Variants in CSMD1 observed in about 807,000 individuals in gnomAD.
CSMD1 encodes CUB and Sushi multiple domains 1.
A neutral mutation model predicts 417.5 loss-of-function variants in CSMD1; 213 were observed. That is an observed-to-expected ratio of 0.51 (90% CI 0.46 to 0.57). The LOEUF (loss-of-function observed/expected upper bound fraction) is 0.57. Among genes scored for constraint, CSMD1 ranks in the 20% least tolerant of loss-of-function variants. The pLI, the probability that CSMD1 is intolerant of heterozygous loss-of-function variation, is 0.00. For synonymous variants in CSMD1, 2,862 were observed against 1,736.8 expected, an observed-to-expected ratio of 1.65 and a Z score of -16.11; for missense variants, 6,923 against 4,529.7, an observed-to-expected ratio of 1.53 and a Z score of -15.17.
At chr8:4,194,606 G>C (rs1584999418) in intron 3 of CSMD1, among the ~76,000 whole-genome samples, 1 of 152,140 alleles carries the variant, frequency 6.6e-6, no homozygotes, top group East Asian at 1.9e-4. Context: ...ACATTAATTT[G>C]CTAACAGAGT....
chr8:4,282,946 C>T (rs933895630), intron 3 of CSMD1, among the ~76,000 whole-genome samples: 1 of 152,086 alleles, frequency 6.6e-6, no homozygotes, highest in Admixed American at 6.6e-5. Context: ...AAATCTGACC[C>T]TACACTTTTC....
chr8:4,208,642 G>A (rs1233687276), intron 3 of CSMD1, among the ~76,000 whole-genome samples: 2 of 152,122 alleles, frequency 1.3e-5, no homozygotes, highest in Non-Finnish European at 2.9e-5. Context: ...GCCGTGATAT[G>A]CAGTAGAATG....
chr8:4,331,635 C>G (rs1437504822), intron 3 of CSMD1, among the ~76,000 whole-genome samples: 2 of 152,104 alleles, frequency 1.3e-5, no homozygotes, highest in African/African-American at 2.4e-5. Flanking sequence ...ATGAAAGCCT[C>G]AGTCATAATC....
chr8:3,802,464 A>G (rs1300043920), intron 5 of CSMD1, among the ~76,000 whole-genome samples: 1 of 152,202 alleles, frequency 6.6e-6, no homozygotes, highest in Non-Finnish European at 1.5e-5. Flanking sequence ...TCAGCCTGAT[A>G]CATAAGTATC....
In CSMD1 at chr8:2,966,687, T is replaced by A. The variant is rs1427367759; in HGVS notation, c.8983A>T (p.Ile2995Phe). Reference protein sequence around the residue: ...TNGMIVSSDGILFSSSVIYAC... With the variant: ...TNGMIVSSDGFLFSSSVIYAC... ...TAGATGACCGAGCTGGAGAACAGAA[T>A]GCCATCACTACTGACAATCATTCCG... Residue 2995 changes from isoleucine to phenylalanine, a missense_variant, in exon 58 of 70, where the codon ATT becomes TTT. By Grantham distance (21) the Ile-to-Phe change is conservative. Transcript: ENST00000635120. 6.2e-7 allele frequency: 1 copy of A among 1,613,712 alleles called. No individual in the cohort carries two copies. Among genetic ancestry groups the A allele is most frequent in the Admixed American group, 1.7e-5 (1 of 59,996 alleles).
chr8:3,533,558 C>G (rs753682741), intron 10 of CSMD1, among the ~76,000 whole-genome samples: 16 of 152,182 alleles, frequency 1.1e-4, no homozygotes, highest in Non-Finnish European at 2.2e-4. Flanking sequence ...GTCTATAAAG[C>G]AGGTTCACAC....
At position 3,917,005 on chromosome 8, in the gene CSMD1, A is replaced by C. The variant is rs533907392; in HGVS notation, c.818+80898T>G. 4.6e-5 allele frequency among the ~76,000 whole-genome samples: 7 copies of C among 152,284 alleles called. No homozygotes were observed. In the South Asian group the frequency reaches 1.5e-3, roughly 32 times the overall value. On this transcript the variant is annotated intron_variant, in intron 5 of 69. Transcript: ENST00000635120. Reference sequence around the variant, plus strand: ...AATGGTGAAACTCCACTGCCCTATGAAGCATTGTTGATACTGGAAATTGAT... The same window carrying C: ...AATGGTGAAACTCCACTGCCCTATGCAGCATTGTTGATACTGGAAATTGAT...
intron 17 of CSMD1, among the ~76,000 whole-genome samples, chr8:3,388,859 T>C (rs1466167179): frequency 6.7e-6 from 1 of 149,232 alleles, no homozygotes; most frequent in Admixed American, 6.7e-5. Flanking sequence ...CACCTGCTCC[T>C]CCCTCCCTCT....
chr8:3,510,506 A>C (rs181144647), intron 10 of CSMD1, among the ~76,000 whole-genome samples: 1 of 151,984 alleles, frequency 6.6e-6, no homozygotes, highest in Admixed American at 6.5e-5. Context: ...AGGTCTTAGG[A>C]AAGAAAATCT....
chr8:4,120,439 C>G (rs188850776), intron 3 of CSMD1, among the ~76,000 whole-genome samples: 5 of 152,192 alleles, frequency 3.3e-5, no homozygotes, highest in African/African-American at 1.2e-4. Flanking sequence ...CCTTCCTCCT[C>G]CTCTCTGTCT....
At chr8:4,703,771 G>C (rs1270080755) in intron 1 of CSMD1, among the ~76,000 whole-genome samples, 3 of 152,088 alleles carry the variant, frequency 2.0e-5, no homozygotes, top group Non-Finnish European at 2.9e-5. Context: ...ATACAGAAAA[G>C]CATTGGGATA....
intron 5 of CSMD1, among the ~76,000 whole-genome samples, chr8:3,784,490 C>A (rs1208836931): frequency 2.0e-5 from 3 of 152,116 alleles, no homozygotes; most frequent in Non-Finnish European, 2.9e-5. Flanking sequence ...TAGGGATGGG[C>A]ACTTATTTTT....
intron 3 of CSMD1, among the ~76,000 whole-genome samples, chr8:4,320,263 C>T (rs976907734): frequency 6.6e-6 from 1 of 152,152 alleles, no homozygotes; most frequent in Non-Finnish European, 1.5e-5. Flanking sequence ...ATAAGACCCA[C>T]AACAAGTAGG....
intron 49 of CSMD1, among the ~76,000 whole-genome samples, chr8:3,077,962 A>G (rs1260613491): frequency 6.6e-6 from 1 of 152,122 alleles, no homozygotes; most frequent in African/African-American, 2.4e-5. Context: ...TGACTTTTTC[A>G]TCTCCACTTC....
At chr8:3,468,867 A>C (rs1304911187) in intron 11 of CSMD1, 43 bp from the exon 12 acceptor site, 2 of 1,316,732 alleles carry the variant, frequency 1.5e-6, no homozygotes, top group Admixed American at 2.0e-5. Context: ...TAAGGCAACA[A>C]GTACATCGAC....
chr8:3,725,127 A>T (rs978610117), intron 6 of CSMD1, among the ~76,000 whole-genome samples: 1 of 152,202 alleles, frequency 6.6e-6, no homozygotes. Flanking sequence ...AAGGAGGTAG[A>T]CACAGCAGAT....
At chr8:4,237,228 G>T (rs984920984) in intron 3 of CSMD1, among the ~76,000 whole-genome samples, 1 of 152,070 alleles carries the variant, frequency 6.6e-6, no homozygotes, top group Non-Finnish European at 1.5e-5. Context: ...AATTTTTTCC[G>T]AAGTAGACGT....
chr8:3,965,745 G>A (rs897769279), intron 5 of CSMD1, among the ~76,000 whole-genome samples: 1 of 152,030 alleles, frequency 6.6e-6, no homozygotes, highest in Non-Finnish European at 1.5e-5. Context: ...AGCCTCCCGA[G>A]TAGCTGGGAC....
At chr8:3,551,596 A>ATATATATTT (rs1261877187) in intron 10 of CSMD1, among the ~76,000 whole-genome samples, 5 of 113,444 alleles carry the variant, frequency 4.4e-5, no homozygotes, top group African/African-American at 1.3e-4. Context: ...ATATATATAT[A>ATATATATTT]TTTTTTTTTT....
Sources: allele counts gnomAD v4.1 joint callset (sites outside exome capture counted in the v4.1 genomes callset), GRCh38; gene constraint gnomAD v4.1.1; transcripts MANE v1.5; gene names NCBI Gene and HGNC (gene_info 2026-07-23, HGNC 2026-07-21).